The following NUCKS1 variants were observed in gnomAD, a reference collection of about 807,000 sequenced individuals.
NUCKS1 encodes nuclear ubiquitous casein and cyclin-dependent kinase substrate 1.
Under a neutral mutation model 33.0 loss-of-function variants are expected in NUCKS1, and 2 were observed. That is an observed-to-expected ratio of 0.06 (90% CI 0.02 to 0.19). NUCKS1 has a LOEUF of 0.19. Ranked by LOEUF, NUCKS1 falls within the 10% of genes least tolerant of loss-of-function variation. The pLI is 1.00. For synonymous variants in NUCKS1, 106 were observed against 102.8 expected, an observed-to-expected ratio of 1.03 and a Z score of -0.19; for missense variants, 201 against 293.6, an observed-to-expected ratio of 0.68 and a Z score of 2.31.
chr1:205,741,252 A>T (rs1654163859), intron 1 of NUCKS1, among the ~76,000 whole-genome samples: 2 of 146,780 alleles, frequency 1.4e-5, no homozygotes, highest in East Asian at 2.0e-4. Context: ...GTGAGCCGAG[A>T]TCGCGCCACT....
intron 4 of NUCKS1, among the ~76,000 whole-genome samples, chr1:205,721,660 G>C (rs1300156662): frequency 1.3e-5 from 2 of 152,078 alleles, no homozygotes; most frequent in East Asian, 3.8e-4. Context: ...TCAATTTAGA[G>C]GGGATTGTGG....
At chr1:205,726,365 A>G (rs1192136848) in intron 3 of NUCKS1, among the ~76,000 whole-genome samples, 2 of 152,186 alleles carry the variant, frequency 1.3e-5, no homozygotes, top group African/African-American at 4.8e-5. Flanking sequence ...AAAACAAACA[A>G]CAACAACTAT....
intron 1 of NUCKS1, among the ~76,000 whole-genome samples, chr1:205,748,491 G>T (rs1026583828): frequency 6.6e-6 from 1 of 152,146 alleles, no homozygotes; most frequent in Admixed American, 6.5e-5. Flanking sequence ...AAAAAATTAC[G>T]CAAACTATAC....
At position 205,716,027 on chromosome 1, in the gene NUCKS1, C is replaced by T. The variant is rs1446730545; in HGVS notation, c.*2253G>A. ...CCTGTCTCACTTGGGGACACAGATC[C>T]TTCTGTCCAGTCTATCAGAAATATA... On this transcript the variant is annotated 3_prime_UTR_variant, in exon 7 of 7. Transcript: ENST00000367142. 6.6e-6 allele frequency: 1 copy of T among 151,996 alleles called. No homozygotes were observed. Among genetic ancestry groups the T allele is most frequent in the Non-Finnish European group, 1.5e-5 (1 of 68,026 alleles). 9.4% of individuals were successfully genotyped at this position (151,996 alleles called of 1,614,324 possible).
intron 1 of NUCKS1, among the ~76,000 whole-genome samples, chr1:205,730,449 A>G (rs1181610497): frequency 6.6e-6 from 1 of 151,840 alleles, no homozygotes; most frequent in Non-Finnish European, 1.5e-5. Context: ...CAATTCTCAT[A>G]CTGCTCATCT....
At chr1:205,724,858 C>A (rs1460985217) in intron 3 of NUCKS1, among the ~76,000 whole-genome samples, 1 of 152,092 alleles carries the variant, frequency 6.6e-6, no homozygotes, top group Admixed American at 6.6e-5. Flanking sequence ...TATAGTCCTG[C>A]CTGGTGGTAC....
At chr1:205,737,358 T>C (rs1249930080) in intron 1 of NUCKS1, among the ~76,000 whole-genome samples, 1 of 152,230 alleles carries the variant, frequency 6.6e-6, no homozygotes, top group South Asian at 2.1e-4. Context: ...ATATTATTTA[T>C]CTTCCCCAAC....
chr1:205,742,309 T>C (rs1341657153), intron 1 of NUCKS1, among the ~76,000 whole-genome samples: 1 of 152,186 alleles, frequency 6.6e-6, no homozygotes, highest in Non-Finnish European at 1.5e-5. Flanking sequence ...AAAACTGCAA[T>C]ACCTAGTTGA....
At chr1:205,746,486 C>CA (rs1654336424) in intron 1 of NUCKS1, among the ~76,000 whole-genome samples, 2 of 124,244 alleles carry the variant, frequency 1.6e-5, no homozygotes, top group Non-Finnish European at 3.7e-5. Context: ...CACACACACA[C>CA]ACTAGAGAAT....
chr1:205,720,356 ACAGTCATCTCT>A, intron 5 of NUCKS1, 134 bp downstream of exon 5: 1 of 715,098 alleles, frequency 1.4e-6, no homozygotes, highest in Non-Finnish European at 2.3e-6. Flanking sequence ...AGGAACCAAT[ACAGTCATCTCT>A]TTTAACACGG....
chr1:205,719,330 C>G (rs886118553), intron 6 of NUCKS1, among the ~76,000 whole-genome samples, 197 bp downstream of exon 6: 1 of 152,208 alleles, frequency 6.6e-6, no homozygotes, highest in African/African-American at 2.4e-5. Flanking sequence ...GCTAAGCCCA[C>G]TAGACTCTTA....
chr1:205,729,507 C>A (rs1443705428), intron 2 of NUCKS1, 65 bp downstream of exon 2: 4 of 1,041,666 alleles, frequency 3.8e-6, no homozygotes, highest in Non-Finnish European at 6.0e-6. Flanking sequence ...CATAATAAAA[C>A]TATATAAGCT....
rs1237007031 is a variant in NUCKS1 at position 205,737,430 on chromosome 1, G to C, written c.18-7809C>G. 2.0e-5 allele frequency among the ~76,000 whole-genome samples: 3 copies of C among 152,148 alleles called. No individual in the cohort carries two copies. In the East Asian group the frequency reaches 5.8e-4, roughly 29 times the overall value. On this transcript the variant is annotated intron_variant, in intron 1 of 6. Transcript: ENST00000367142. ...GTGTCCTCATCTATATCATTAATTA[G>C]AAGATATGCCAAGAACAGAATCCTT...
At chr1:205,728,111 T>C (rs181266094) in intron 2 of NUCKS1, among the ~76,000 whole-genome samples, 41 of 152,328 alleles carry the variant, frequency 2.7e-4, no homozygotes, top group African/African-American at 8.9e-4. Context: ...TTGAAAATTA[T>C]TGTAATATGG....
intron 3 of NUCKS1, 32 bp from the exon 4 acceptor site, chr1:205,724,013 A>G (rs765100310): frequency 2.6e-6 from 4 of 1,527,242 alleles, no homozygotes; most frequent in African/African-American, 1.4e-5. Flanking sequence ...CAAATGCATA[A>G]AAGTCTTAGC....
chr1:205,745,549 T>G (rs1260060594), intron 1 of NUCKS1, among the ~76,000 whole-genome samples: 1 of 152,246 alleles, frequency 6.6e-6, no homozygotes, highest in South Asian at 2.1e-4. Context: ...AACGCTAAGT[T>G]AAACATTTTG....
At position 205,718,349 on chromosome 1, in the gene NUCKS1, A is replaced by G. The variant is rs1401072534; in HGVS notation, c.663T>C (p.Ser221=). The change falls in exon 7 of 7, where the codon TCT becomes TCC. Residue 221 remains serine (S), a synonymous_variant. Coordinates refer to ENST00000367142, the MANE Select transcript of NUCKS1 (RefSeq NM_022731.5). ...CAGATTTCTCGGGTGGGGGGCTTGT[A>G]GATGTTTTCTTTTCTGGCGGGCTTT... is the stretch of plus-strand genomic sequence containing the variant. The part of the protein sequence containing the change: ...EPESPPEKKT[S]TSPPPEKSGD... 2 of 1,612,728 alleles carry G rather than the reference A, an allele frequency of 1.2e-6. No individual in the cohort carries two copies.
intron 1 of NUCKS1, among the ~76,000 whole-genome samples, chr1:205,739,194 T>C (rs1032992015): frequency 1.9e-4 from 29 of 152,206 alleles, no homozygotes. Flanking sequence ...GTAAAAACCA[T>C]TTTCCAACCC....
At position 205,716,679 on chromosome 1, in the gene NUCKS1, TA is replaced by T. The variant is rs1443480357; in HGVS notation, c.*1600del. The T allele has an allele frequency of 6.6e-6, 1 of 152,170 alleles. No homozygotes were observed. The highest frequency in any genetic ancestry group is 2.4e-5 in the African/African-American group (1 of 41,438). The allele number at this position is 152,170 out of a possible 1,614,324, so 9.4% of individuals were successfully genotyped here. Reference sequence around the variant, plus strand: ...GGATATTGAGGAAGCAAATCTAGATTAAAAGGCAGGAAAAAAAGGCAGAAGT... The same window carrying T: ...GGATATTGAGGAAGCAAATCTAGATTAAAGGCAGGAAAAAAAGGCAGAAGT... On this transcript the variant is annotated 3_prime_UTR_variant, in exon 7 of 7. Coordinates refer to ENST00000367142, the MANE Select transcript of NUCKS1 (RefSeq NM_022731.5).
Sources: gnomAD v4.1 joint callset for allele counts (sites outside exome capture counted in the v4.1 genomes callset) on GRCh38, gnomAD v4.1.1 for gene constraint, MANE v1.5 for transcripts, NCBI Gene and HGNC (gene_info 2026-07-23, HGNC 2026-07-21) for gene names.